The following KAT6B variants were observed in gnomAD, a reference collection of about 807,000 sequenced individuals.
KAT6B encodes the protein lysine acetyltransferase 6B.
In KAT6B, 10 loss-of-function variants were observed where a neutral mutation model predicts 187.5. The ratio of observed to expected loss-of-function variants is 0.05; its 90% CI spans 0.03 to 0.09. The LOEUF (loss-of-function observed/expected upper bound fraction) is 0.09. Ranked by LOEUF, KAT6B falls within the 10% of genes least tolerant of loss-of-function variation. KAT6B has a pLI of 1.00. For synonymous variants in KAT6B, 861 were observed against 926.8 expected, an observed-to-expected ratio of 0.93 and a Z score of 1.29; for missense variants, 1,952 against 2,558.9, an observed-to-expected ratio of 0.76 and a Z score of 5.12.
intron 3 of KAT6B, among the ~76,000 whole-genome samples, chr10:74,874,209 A>T (rs1844224173): frequency 6.6e-6 from 1 of 152,212 alleles, no homozygotes; most frequent in Non-Finnish European, 1.5e-5. Flanking sequence ...TCATTGTAGA[A>T]GGAACTTATG....
intron 3 of KAT6B, among the ~76,000 whole-genome samples, chr10:74,898,706 T>C (rs1220646585): frequency 2.0e-5 from 3 of 152,142 alleles, no homozygotes; most frequent in Non-Finnish European, 2.9e-5. Context: ...GTCCCATGGT[T>C]TTCCTACTGA....
chr10:74,866,577 TTAG>T (rs1843565477), intron 3 of KAT6B, among the ~76,000 whole-genome samples: 1 of 152,164 alleles, frequency 6.6e-6, no homozygotes, highest in Non-Finnish European at 1.5e-5. Context: ...TTTCTTTATC[TTAG>T]TAGATTTACT....
At chr10:75,022,304 A>G (rs1845493027) in intron 16 of KAT6B, 73 bp downstream of exon 16, 1 of 1,535,568 alleles carries the variant, frequency 6.5e-7, no homozygotes, top group Admixed American at 1.7e-5. Context: ...CATTCTGTCT[A>G]TTAGTATTTG....
intron 13 of KAT6B, among the ~76,000 whole-genome samples, chr10:75,018,693 A>C: frequency 1.3e-5 from 2 of 152,252 alleles, no homozygotes; most frequent in Middle Eastern, 6.8e-3. Context: ...TGGTATGAAC[A>C]CTTTGGTTGT....
intron 3 of KAT6B, among the ~76,000 whole-genome samples, chr10:74,856,402 A>G (rs1842830797): frequency 6.6e-6 from 1 of 152,000 alleles, no homozygotes; most frequent in African/African-American, 2.4e-5. Flanking sequence ...TTGACTTTTC[A>G]TCCAGGATCC....
chr10:74,974,518 C>T (rs1261410094), intron 7 of KAT6B, among the ~76,000 whole-genome samples: 3 of 152,302 alleles, frequency 2.0e-5, no homozygotes, highest in Admixed American at 6.5e-5. Context: ...TGGGTAGCTT[C>T]GCAAACCCTA....
intron 3 of KAT6B, among the ~76,000 whole-genome samples, chr10:74,877,143 T>C (rs2132474360): frequency 6.6e-6 from 1 of 151,958 alleles, no homozygotes; most frequent in South Asian, 2.1e-4. Context: ...TTTTTGTATT[T>C]TTAGTGGAGA....
chr10:74,982,177 C>G, intron 11 of KAT6B: 1 of 459,054 alleles, frequency 2.2e-6, no homozygotes, highest in Non-Finnish European at 4.0e-6. Flanking sequence ...CCTGTCTACA[C>G]TAGATATATT....
At chr10:74,910,127 T>TAA (rs74778723) in intron 3 of KAT6B, among the ~76,000 whole-genome samples, 9 of 110,270 alleles carry the variant, frequency 8.2e-5, no homozygotes, top group South Asian at 3.0e-4. Context: ...CCATCTCTAC[T>TAA]AAAAAAAAAA....
At chr10:74,986,045 AAAAACAAAAC>A (rs952972609) in intron 12 of KAT6B, among the ~76,000 whole-genome samples, 6 of 152,172 alleles carry the variant, frequency 3.9e-5, no homozygotes, top group Non-Finnish European at 5.9e-5. Flanking sequence ...ACTCCATCTC[AAAAACAAAAC>A]AAAACAAAAC....
intron 3 of KAT6B, among the ~76,000 whole-genome samples, chr10:74,847,738 C>A (rs77881262): frequency 4.0e-5 from 6 of 151,484 alleles, no homozygotes; most frequent in African/African-American, 1.5e-4. Context: ...AATATATTAC[C>A]CTTTGAAATT....
At position 75,031,200 on chromosome 10, in the gene KAT6B, A is replaced by G. The variant is rs1328420108; in HGVS notation, c.*154A>G. The G allele has an allele frequency of 1.2e-6, 1 of 861,994 alleles. No homozygotes were observed. Among genetic ancestry groups the G allele is most frequent in the East Asian group, 2.7e-5 (1 of 37,594 alleles). 53.4% of individuals were successfully genotyped at this position (861,994 alleles called of 1,614,324 possible). On this transcript the variant is annotated 3_prime_UTR_variant, in exon 18 of 18. Coordinates refer to ENST00000287239, the MANE Select transcript of KAT6B (RefSeq NM_012330.4). The stretch of plus-strand genomic sequence containing the variant: ...TTTAAAAAAAAAAAAAGCTGTATGC[A>G]GCAGAAAGCCTTATACAAGTTGTTT...
chr10:74,895,508 C>T (rs2132689896), intron 3 of KAT6B, among the ~76,000 whole-genome samples: 1 of 152,094 alleles, frequency 6.6e-6, no homozygotes, highest in East Asian at 1.9e-4. Context: ...GAATTAATTC[C>T]ATAGTTTCAC....
intron 12 of KAT6B, among the ~76,000 whole-genome samples, chr10:74,985,824 A>G (rs1161218830): frequency 6.6e-6 from 1 of 152,112 alleles, no homozygotes; most frequent in Non-Finnish European, 1.5e-5. Flanking sequence ...GGGTGGGCGG[A>G]TCATGAGGTC....
chr10:74,912,866 G>T (rs1006085241), intron 3 of KAT6B, among the ~76,000 whole-genome samples: 2 of 152,158 alleles, frequency 1.3e-5, no homozygotes, highest in Admixed American at 6.5e-5. Flanking sequence ...TGTTGTGCTG[G>T]CCTGATTCCC....
chr10:74,941,907 C>T (rs949064841), intron 3 of KAT6B, among the ~76,000 whole-genome samples: 2 of 152,038 alleles, frequency 1.3e-5, no homozygotes, highest in Admixed American at 6.6e-5. Context: ...TTTGGGAGGC[C>T]GAGGCGGGCA....
chr10:75,031,036 T>C lies in KAT6B; in HGVS notation c.6212T>C (p.Met2071Thr). 1 of 1,614,048 alleles carries C rather than the reference T, an allele frequency of 6.2e-7. No homozygotes were observed. Among genetic ancestry groups the C allele is most frequent in the Non-Finnish European group, 8.5e-7 (1 of 1,179,988 alleles). The part of the protein sequence containing the change: ...MSKQSLNGSY[M>T]RR Reference sequence around the variant, plus strand: ...AAACAGTCTCTCAATGGCTCCTACATGAGAAGGTAGACAACGTGGGCAGTC... The same window carrying C: ...AAACAGTCTCTCAATGGCTCCTACACGAGAAGGTAGACAACGTGGGCAGTC... Residue 2071 changes from methionine to threonine, a missense_variant, in exon 18 of 18, where the codon ATG (methionine) becomes ACG (threonine). This residue lies in a region of KAT6B where 358 missense variants were observed against 436.3 expected (regional missense o/e 0.82). Transcript: ENST00000287239.
intron 13 of KAT6B, among the ~76,000 whole-genome samples, chr10:75,016,401 A>G (rs898197298): frequency 1.3e-5 from 2 of 152,234 alleles, no homozygotes; most frequent in Admixed American, 6.5e-5. Flanking sequence ...AGACATCTTG[A>G]CAATCCTTTG....
intron 13 of KAT6B, among the ~76,000 whole-genome samples, chr10:74,990,820 A>G (rs771261127): frequency 5.3e-4 from 81 of 152,224 alleles, no homozygotes; most frequent in Admixed American, 1.1e-3. Flanking sequence ...GGTCATATCT[A>G]TATGCCTACA....
Sources: allele counts gnomAD v4.1 joint callset (sites outside exome capture counted in the v4.1 genomes callset), GRCh38; gene constraint gnomAD v4.1.1; regional missense constraint gnomAD v4.1.1; transcripts MANE v1.5; gene names NCBI Gene and HGNC (gene_info 2026-07-23, HGNC 2026-07-21).